The following C9orf78 variants were observed in gnomAD, a reference collection of about 807,000 sequenced individuals.
The protein encoded by C9orf78 is splicing factor C9orf78.
Under a neutral mutation model 37.4 loss-of-function variants are expected in C9orf78, and 19 were observed. That is an observed-to-expected ratio of 0.51 (90% CI 0.35 to 0.74). The LOEUF (loss-of-function observed/expected upper bound fraction) is 0.74. C9orf78 is among the 30% of genes least tolerant of loss of function. The pLI, the probability that C9orf78 is intolerant of heterozygous loss-of-function variation, is 0.01. For synonymous variants in C9orf78, 130 were observed against 128.0 expected (o/e 1.02, Z -0.10); for missense variants, 291 against 370.8 (o/e 0.78, Z 1.77).
At position 129,835,145 on chromosome 9, in the gene C9orf78, T is replaced by G. The variant is rs772233601; in HGVS notation, c.77A>C (p.Glu26Ala). The change falls in exon 1 of 9, where the codon GAG (glutamate) becomes GCG (alanine). Residue 26 changes from glutamate to alanine, a missense_variant. By Grantham distance (107) the Glu-to-Ala change is moderately radical. This residue lies in a region of C9orf78 where 158 missense variants were observed against 174.8 expected (regional missense o/e 0.90). Transcript: ENST00000372447. ...AGCCCCGCCCCAAACGCACCGAACC[T>G]CCTCTGAGTCCTGCTCATCTTCCTC... ...ESEEDEQDSE[E>A]VRLKLEETRE... is the part of the protein sequence containing the mutation. The G allele has an allele frequency of 1.2e-6, 2 of 1,610,290 alleles. No individual in the cohort carries two copies. Among genetic ancestry groups the G allele is most frequent in the South Asian group, 1.1e-5 (1 of 90,956 alleles).
chr9:129,829,473 T>C lies in C9orf78; in HGVS notation c.611A>G (p.Lys204Arg). The part of the protein sequence containing the change: ...KARLLAEQQN[K>R]KKDSETSFVP... The stretch of plus-strand genomic sequence containing the variant: ...GAAGGAGGTCTCGCTGTCTTTCTTC[T>C]TGTTCTGCTGCTCTGCCAGCAGACG... Residue 204 changes from lysine to arginine, a missense_variant, in exon 7 of 9, where the codon AAG (lysine) becomes AGG (arginine). Physicochemically the swap from Lys to Arg is conservative, Grantham distance 26. Coordinates refer to ENST00000372447, the MANE Select transcript of C9orf78 (RefSeq NM_016520.3). 6.2e-7 allele frequency: 1 copy of C among 1,614,100 alleles called. No homozygotes were observed. Among genetic ancestry groups the C allele is most frequent in the African/African-American group, 1.3e-5 (1 of 75,028 alleles).
At chr9:129,832,659 G>A (rs34862553) in intron 4 of C9orf78, among the ~76,000 whole-genome samples, 34,928 of 152,030 alleles carry the variant, frequency 0.23, 4,098 homozygotes, top group Middle Eastern at 0.27. Context: ...GGCTGGTCTC[G>A]AACTCCTGAC....
chr9:129,829,766 A>C (rs2031443707), intron 6 of C9orf78: 1 of 466,986 alleles, frequency 2.1e-6, no homozygotes, highest in Non-Finnish European at 3.8e-6. Flanking sequence ...ATTGAGCTTC[A>C]GAGAAGTAAA....
intron 4 of C9orf78, among the ~76,000 whole-genome samples, 182 bp from the exon 5 acceptor site, chr9:129,832,155 TG>T (rs1324651055): frequency 6.6e-6 from 1 of 152,104 alleles, no homozygotes; most frequent in East Asian, 1.9e-4. Flanking sequence ...GCAAGCAAAC[TG>T]TTGGCTGCTA....
At chr9:129,829,653 G>A in intron 6 of C9orf78, 112 bp from the exon 7 acceptor site, 21 of 873,178 alleles carry the variant, frequency 2.4e-5, no homozygotes, top group Non-Finnish European at 3.3e-5. Flanking sequence ...GTGTCCTGGG[G>A]CACAGCTCTC....
chr9:129,831,873 C>G (rs781265206), intron 5 of C9orf78, 23 bp downstream of exon 5: 1 of 1,290,156 alleles, frequency 7.8e-7, no homozygotes, highest in Non-Finnish European at 1.1e-6. Flanking sequence ...CAACTGCTCA[C>G]AGCCAAACAG....
In C9orf78 at chr9:129,833,047, A is replaced by G. The variant is rs199904151; in HGVS notation, c.266+400T>C. Among the ~76,000 whole-genome samples the G allele has an allele frequency of 7.4e-5, 11 of 148,748 alleles. No individual in the cohort carries two copies. In the South Asian group the frequency reaches 2.4e-3, roughly 32 times the overall value. ...TGTATATACATGTGTGTATATACAT[A>G]TGTGTATATGTGTGTACATATGTGT... is the stretch of plus-strand genomic sequence containing the variant. On this transcript the variant is annotated intron_variant, in intron 4 of 8. Coordinates refer to ENST00000372447, the MANE Select transcript of C9orf78 (RefSeq NM_016520.3).
chr9:129,828,315 C>G, intron 8 of C9orf78, 63 bp from the exon 9 acceptor site: 2 of 979,142 alleles, frequency 2.0e-6, no homozygotes, highest in Non-Finnish European at 3.3e-6. Context: ...AGACTTTACT[C>G]CATGCAGGCA....
intron 2 of C9orf78, chr9:129,834,190 G>A: frequency 5.4e-6 from 1 of 185,112 alleles, no homozygotes; most frequent in Non-Finnish European, 1.1e-5. Flanking sequence ...ATGGGTGAAT[G>A]CCCACAATGT....
chr9:129,834,952 G>A (rs896074872), intron 1 of C9orf78, 186 bp from the exon 2 acceptor site: 7 of 665,634 alleles, frequency 1.1e-5, no homozygotes, highest in South Asian at 3.6e-5. Flanking sequence ...GCATCCCGGA[G>A]GCATCTCTCT....
At chr9:129,833,908 G>A (rs541001583) in intron 2 of C9orf78, 199 bp from the exon 3 acceptor site, 11 of 584,460 alleles carry the variant, frequency 1.9e-5, no homozygotes, top group Non-Finnish European at 3.3e-5. Context: ...GAAGAAGGGT[G>A]CGCTGGTGGT....
chr9:129,832,387 C>T (rs997006675), intron 4 of C9orf78, among the ~76,000 whole-genome samples: 20 of 151,846 alleles, frequency 1.3e-4, no homozygotes, highest in African/African-American at 4.6e-4. Context: ...ATAGTTGTCA[C>T]AAAAGTACAC....
intron 4 of C9orf78, among the ~76,000 whole-genome samples, chr9:129,832,654 G>A (rs1364166761): frequency 2.0e-5 from 3 of 152,160 alleles, no homozygotes; most frequent in African/African-American, 7.2e-5. Flanking sequence ...GGTCAGGCTG[G>A]TCTCGAACTC....
intron 2 of C9orf78, 75 bp from the exon 3 acceptor site, chr9:129,833,784 C>G: frequency 9.4e-7 from 1 of 1,069,440 alleles, no homozygotes; most frequent in Non-Finnish European, 1.4e-6. Context: ...GGAACCCTCT[C>G]AGGTATGCGG....
At chr9:129,828,742 T>A in intron 8 of C9orf78, 1 of 243,966 alleles carries the variant, frequency 4.1e-6, no homozygotes. Context: ...TTCTTTTCTT[T>A]AAAAAAAAGA....
intron 5 of C9orf78, chr9:129,831,346 G>A: frequency 2.1e-6 from 1 of 471,484 alleles, no homozygotes; most frequent in Non-Finnish European, 3.8e-6. Flanking sequence ...AAAATAAAAA[G>A]TGGGCAAGCC....
chr9:129,832,028 A>C (rs1252841928), intron 4 of C9orf78, 55 bp from the exon 5 acceptor site: 26 of 831,472 alleles, frequency 3.1e-5, no homozygotes, highest in Non-Finnish European at 5.1e-5. Context: ...AATGAGGCTG[A>C]GTTTTATGTT....
intron 6 of C9orf78, 115 bp from the exon 7 acceptor site, chr9:129,829,656 C>CATG: frequency 3.6e-6 from 3 of 833,274 alleles, no homozygotes; most frequent in Non-Finnish European, 5.8e-6. Flanking sequence ...TCCTGGGGCA[C>CATG]AGCTCTCCAC....
chr9:129,834,941 C>G, intron 1 of C9orf78, 175 bp from the exon 2 acceptor site: 1 of 665,514 alleles, frequency 1.5e-6, no homozygotes. Flanking sequence ...AGAGCCACTG[C>G]GCATCCCGGA....
Sources: gnomAD v4.1 joint callset for allele counts (sites outside exome capture counted in the v4.1 genomes callset) on GRCh38, gnomAD v4.1.1 for gene constraint, gnomAD v4.1.1 regional missense constraint, MANE v1.5 for transcripts, NCBI Gene and HGNC (gene_info 2026-07-23, HGNC 2026-07-21) for gene names.